ZFP90: variants seen among roughly 807,000 people sequenced by gnomAD.
The protein encoded by ZFP90 is ZFP90 zinc finger protein, also known as zinc finger protein 90 homolog.
A neutral mutation model predicts 60.8 loss-of-function variants in ZFP90; 38 were observed. The observed-to-expected ratio is 0.62, with a 90% confidence interval of 0.48 to 0.82. The LOEUF is 0.82. ZFP90 is among the 40% of genes least tolerant of loss of function. ZFP90 has a pLI of 0.00. For missense variants in ZFP90, 711 were observed against 759.1 expected, an observed-to-expected ratio of 0.94 and a Z score of 0.74; for synonymous variants, 287 against 264.8, an observed-to-expected ratio of 1.08 and a Z score of -0.82.
chr16:68,547,856 A>G (rs1229009463), intron 2 of ZFP90, among the ~76,000 whole-genome samples: 4 of 143,302 alleles, frequency 2.8e-5, no homozygotes, highest in Non-Finnish European at 4.5e-5. Context: ...TTTTTTTGAG[A>G]CAGAGTTTTG....
At chr16:68,547,641 G>A (rs1036006851) in intron 2 of ZFP90, among the ~76,000 whole-genome samples, 3 of 145,114 alleles carry the variant, frequency 2.1e-5, no homozygotes, top group Admixed American at 6.8e-5. Flanking sequence ...ATTTTATGAG[G>A]ATTATTTTTG....
chr16:68,561,760 C>A (rs1220431553), intron 4 of ZFP90, among the ~76,000 whole-genome samples: 1 of 152,166 alleles, frequency 6.6e-6, no homozygotes, highest in East Asian at 1.9e-4. Context: ...GCATGTCCCA[C>A]TGAGAACAAT....
At chr16:68,535,979 T>C (rs2090957688), upstream of ZFP90, among the ~76,000 whole-genome samples, 1 of 152,202 alleles carries the variant, frequency 6.6e-6, no homozygotes, top group Non-Finnish European at 1.5e-5. Flanking sequence ...AGTCTCCAAA[T>C]GGGTGTGAGC....
At chr16:68,560,729 G>A (rs1281264982) in intron 4 of ZFP90, among the ~76,000 whole-genome samples, 2 of 150,422 alleles carry the variant, frequency 1.3e-5, no homozygotes, top group East Asian at 3.9e-4. Flanking sequence ...GCTAGTTTTT[G>A]TATTTTTAGT....
intron 4 of ZFP90, chr16:68,562,825 C>A: frequency 9.8e-7 from 1 of 1,024,386 alleles, no homozygotes; most frequent in Non-Finnish European, 1.4e-6. Flanking sequence ...CCTAGATGGG[C>A]TTTCCTCATT....
chr16:68,571,448 T>A (rs556588685), downstream of ZFP90, among the ~76,000 whole-genome samples: 1 of 152,378 alleles, frequency 6.6e-6, no homozygotes, highest in Middle Eastern at 3.4e-3. Context: ...TGTGAATGTT[T>A]AAACTCATTT....
At position 68,566,958 on chromosome 16, in the gene ZFP90, C is replaced by T. The variant is rs2091537945; in HGVS notation, c.*2260C>T. 1 of 985,628 alleles carries T rather than the reference C, an allele frequency of 1.0e-6. No homozygotes were observed. Among genetic ancestry groups the T allele is most frequent in the South Asian group, 4.7e-5 (1 of 21,292 alleles). 61.1% of individuals were successfully genotyped at this position (985,628 alleles called of 1,614,324 possible). On this transcript the variant is annotated 3_prime_UTR_variant, in exon 5 of 5. Coordinates refer to ENST00000563169, the MANE Select transcript of ZFP90 (RefSeq NM_001305203.2). Reference sequence around the variant, plus strand: ...GCCACCACTCTGAAACTCAGCACATCTTCATTGACAGGGAGGGAGCCCAGG... The same window carrying T: ...GCCACCACTCTGAAACTCAGCACATTTTCATTGACAGGGAGGGAGCCCAGG...
chr16:68,576,026 A>G (rs560162477), exon 3 of ZFP90: 2 of 343,478 alleles, frequency 5.8e-6, no homozygotes, highest in African/African-American at 2.5e-5. Context: ...GCAGCAAGCT[A>G]GGAAACATTT....
chr16:68,566,365 G>C lies in ZFP90; in HGVS notation c.*1667G>C, dbSNP rs1408973857. ...GATAAATTTTCCCAGCCCTAAATAT[G>C]AATCATGGGGCAAGATATTGGTCGT... On this transcript the variant is annotated 3_prime_UTR_variant, in exon 5 of 5. Transcript: ENST00000563169. The C allele has an allele frequency of 2.0e-6, 2 of 985,382 alleles. No individual in the cohort carries two copies. Among genetic ancestry groups the C allele is most frequent in the Non-Finnish European group, 2.4e-6 (2 of 829,936 alleles). 61.0% of individuals were successfully genotyped at this position (985,382 alleles called of 1,614,324 possible).
rs192490457 is a variant in ZFP90 at position 68,563,419 on chromosome 16, A to G, written c.632A>G (p.Tyr211Cys). ...ENNILAKKKPYKCDKCRKAFI... is the reference protein window; with the variant it reads ...ENNILAKKKPCKCDKCRKAFI... ...AATATTCTTGCAAAAAAGAAACCCT[A>G]TAAGTGTGATAAATGTAGAAAAGCC... is the stretch of plus-strand genomic sequence containing the variant. The change falls in exon 5 of 5, where the codon TAT becomes TGT. Residue 211 changes from tyrosine to cysteine, a missense_variant. By Grantham distance (194) the Tyr-to-Cys change is radical. Around this residue, in one of 5 missense-constraint regions of ZFP90, gnomAD observed 241 missense variants for 247.6 expected, o/e 0.97. Coordinates refer to ENST00000563169, the MANE Select transcript of ZFP90 (RefSeq NM_001305203.2). 2.3e-5 allele frequency: 37 copies of G among 1,613,344 alleles called. No individual in the cohort carries two copies. The highest frequency in any genetic ancestry group is 2.2e-5 in the South Asian group (2 of 90,856).
chr16:68,542,718 G>A (rs1038389751), intron 2 of ZFP90, among the ~76,000 whole-genome samples: 10 of 152,182 alleles, frequency 6.6e-5, no homozygotes, highest in African/African-American at 2.4e-4. Flanking sequence ...ACCAGCTGTG[G>A]GCTGCTGGCA....
intron 4 of ZFP90, among the ~76,000 whole-genome samples, chr16:68,561,870 T>C (rs566906635): frequency 6.6e-6 from 1 of 152,340 alleles, no homozygotes; most frequent in Admixed American, 6.5e-5. Flanking sequence ...TGTGATTTCC[T>C]CTCTCAACAT....
intron 4 of ZFP90, among the ~76,000 whole-genome samples, chr16:68,560,537 T>TTGATTTTATTTATTTATTTA (rs149308667): frequency 2.7e-5 from 4 of 147,116 alleles, no homozygotes; most frequent in Admixed American, 6.8e-5. Flanking sequence ...CCACACTGGA[T>TTGATTTTATTTATTTATTTA]TTTATTTATT....
intron 2 of ZFP90, among the ~76,000 whole-genome samples, chr16:68,552,259 C>G (rs2091275579): frequency 6.6e-6 from 1 of 152,142 alleles, no homozygotes; most frequent in Non-Finnish European, 1.5e-5. Context: ...CTCCGGCAAA[C>G]TTTTGATTGT....
At position 68,563,843 on chromosome 16, in the gene ZFP90, C is replaced by T. The variant is rs756136908; in HGVS notation, c.1056C>T (p.Ser352=). 3.1e-5 allele frequency: 50 copies of T among 1,613,700 alleles called. No individual in the cohort carries two copies. Among genetic ancestry groups the T allele is most frequent in the Non-Finnish European group, 4.0e-5 (47 of 1,179,962 alleles). Reference sequence around the variant, plus strand: ...GGAGGTCCTTTAGGCATGGCACATCCCTCACTCAACACGAGGTCACACACA... The same window carrying T: ...GGAGGTCCTTTAGGCATGGCACATCTCTCACTCAACACGAGGTCACACACA... ...LCGRSFRHGT[S]LTQHEVTHSG... The change falls in exon 5 of 5, where the codon TCC becomes TCT. Residue 352 remains serine, a synonymous_variant. Transcript: ENST00000563169.
intron 1 of ZFP90, 129 bp from the exon 2 acceptor site, chr16:68,539,629 C>T (rs1597708846): frequency 7.2e-6 from 5 of 693,372 alleles, no homozygotes; most frequent in South Asian, 4.5e-5. Context: ...GCGGCAGGCC[C>T]GGGCTGGTTC....
intron 2 of ZFP90, among the ~76,000 whole-genome samples, chr16:68,572,151 G>A (rs2091572253): frequency 6.7e-6 from 1 of 150,200 alleles, no homozygotes; most frequent in Non-Finnish European, 1.5e-5. Context: ...GACTACAGGT[G>A]CATGCCACCA....
chr16:68,559,131 G>A (rs1013108996), intron 4 of ZFP90, among the ~76,000 whole-genome samples: 1 of 151,994 alleles, frequency 6.6e-6, no homozygotes, highest in East Asian at 1.9e-4. Flanking sequence ...AGCTTTTCTT[G>A]CTTTTCTGCC....
intron 2 of ZFP90, among the ~76,000 whole-genome samples, chr16:68,543,863 CTTTT>C (rs34492203): frequency 7.9e-6 from 1 of 127,334 alleles, no homozygotes; most frequent in African/African-American, 3.0e-5. Flanking sequence ...CTGGCCTGCC[CTTTT>C]TTTTTTTTTT....
Sources: allele counts gnomAD v4.1 joint callset (sites outside exome capture counted in the v4.1 genomes callset), GRCh38; gene constraint gnomAD v4.1.1; regional missense constraint gnomAD v4.1.1; transcripts MANE v1.5; gene names NCBI Gene and HGNC (gene_info 2026-07-23, HGNC 2026-07-21).